Variants in NCBP2 observed in about 807,000 individuals in gnomAD.
NCBP2 encodes nuclear cap binding protein subunit 2.
Under a neutral mutation model 21.5 loss-of-function variants are expected in NCBP2, and 8 were observed. The observed-to-expected ratio is 0.37, with a 90% CI of 0.22 to 0.67. The LOEUF (loss-of-function observed/expected upper bound fraction) is 0.67, where lower values mean the gene tolerates loss of function less well. NCBP2 is among the 30% of genes least tolerant of loss of function. The pLI is 0.56. For missense variants in NCBP2, 127 were observed against 206.9 expected, an observed-to-expected ratio of 0.61 and a Z score of 2.37; for synonymous variants, 92 against 75.8, an observed-to-expected ratio of 1.21 and a Z score of -1.11.
rs150995327 is a variant in NCBP2, at chr3:196,935,698, A to G, written c.*1313T>C. Reference sequence around the variant, plus strand: ...ACTTCAGCCCCAACTTTCACGGACTATTGGAAATTAGAAGGTACTTTGTTG... The same window carrying G: ...ACTTCAGCCCCAACTTTCACGGACTGTTGGAAATTAGAAGGTACTTTGTTG... On this transcript the variant is annotated 3_prime_UTR_variant, in exon 4 of 4. Coordinates refer to ENST00000321256, the MANE Select transcript of NCBP2 (RefSeq NM_007362.5). The G allele has an allele frequency of 3.3e-5, 5 of 152,344 alleles. No individual in the cohort carries two copies. Among genetic ancestry groups the G allele is most frequent in the African/African-American group, 9.6e-5 (4 of 41,582 alleles). The allele number at this position is 152,344 out of a possible 1,614,324, so 9.4% of individuals were successfully genotyped here.
At chr3:196,940,671 C>G (rs1017473456) in intron 1 of NCBP2, among the ~76,000 whole-genome samples, 3 of 152,148 alleles carry the variant, frequency 2.0e-5, no homozygotes, top group South Asian at 2.1e-4. Flanking sequence ...CTAAAAAAAG[C>G]TACAGGTTTA....
At position 196,936,982 on chromosome 3, in the gene NCBP2, GTGTT is replaced by G. The variant is rs1560168453; in HGVS notation, c.*25_*28del. 6.2e-7 allele frequency: 1 copy of G among 1,607,476 alleles called. No individual in the cohort carries two copies. Among genetic ancestry groups the G allele is most frequent in the South Asian group, 1.1e-5 (1 of 90,950 alleles). On this transcript the variant is annotated 3_prime_UTR_variant, in exon 4 of 4. Coordinates refer to ENST00000321256, the MANE Select transcript of NCBP2 (RefSeq NM_007362.5). ...TCAGCAAATTCAACAGGCCAAAGGAGTGTTTGTCACTGACAGAGCTCTCACCACT... is the reference window on the plus strand; with the variant it reads ...TCAGCAAATTCAACAGGCCAAAGGAGTGTCACTGACAGAGCTCTCACCACT...
chr3:196,941,963 C>T, intron 1 of NCBP2: 3 of 1,536,356 alleles, frequency 2.0e-6, no homozygotes, highest in Non-Finnish European at 2.6e-6. Context: ...CACCATCCTC[C>T]CAGAGAAGGG....
intron 1 of NCBP2, chr3:196,941,577 G>A: frequency 2.7e-6 from 1 of 363,930 alleles, no homozygotes; most frequent in East Asian, 5.3e-5. Flanking sequence ...AGCTCGCAGA[G>A]CGCAGAAACT....
chr3:196,939,528 G>A, intron 1 of NCBP2, 96 bp from the exon 2 acceptor site: 1 of 975,150 alleles, frequency 1.0e-6, no homozygotes, highest in South Asian at 1.8e-5. Context: ...ATTCTGGTTT[G>A]GAAATCAACT....
Position 196,935,976 on chromosome 3 carries a change from A to G in NCBP2, c.*1035T>C, listed in dbSNP as rs955923956. On this transcript the variant is annotated 3_prime_UTR_variant, in exon 4 of 4. Transcript: ENST00000321256. ...GCATCTGCTGCAGGAACCTTCTGTG[A>G]CTGTCAAACATTCCCTCTTCAAGCT... is the stretch of plus-strand genomic sequence containing the variant. The G allele has an allele frequency of 2.6e-5, 4 of 152,204 alleles. No homozygotes were observed. Among genetic ancestry groups the G allele is most frequent in the African/African-American group, 9.6e-5 (4 of 41,466 alleles). The allele number at this position is 152,204 out of a possible 1,614,324, so 9.4% of individuals were successfully genotyped here.
rs1208737397 is a variant in NCBP2, at chr3:196,939,254, A to G, written c.257T>C (p.Val86Ala). 1 of 1,613,078 alleles carries G rather than the reference A, an allele frequency of 6.2e-7. No homozygotes were observed. Among genetic ancestry groups the G allele is most frequent in the Non-Finnish European group, 8.5e-7 (1 of 1,179,118 alleles). The stretch of plus-strand genomic sequence containing the variant: ...ATTAGATCCATGGGAAGGATACTCC[A>G]CAAAACAGAATCCACATGCTGTTTT... ...MKKTACGFCF[V>A]EYYSRADAEN... The change falls in exon 2 of 4, where the codon GTG becomes GCG. Residue 86 changes from valine (V) to alanine (A), a missense_variant. By Grantham distance (64) the Val-to-Ala change is moderately conservative. Transcript: ENST00000321256.
intron 1 of NCBP2, among the ~76,000 whole-genome samples, 175 bp from the exon 2 acceptor site, chr3:196,939,607 A>C (rs928239327): frequency 1.3e-5 from 2 of 152,208 alleles, no homozygotes; most frequent in Non-Finnish European, 2.9e-5. Flanking sequence ...TGAAGCACTT[A>C]TGCGAAGTCC....
chr3:196,940,707 AG>A (rs1278883927), intron 1 of NCBP2, among the ~76,000 whole-genome samples: 1 of 152,260 alleles, frequency 6.6e-6, no homozygotes, highest in Non-Finnish European at 1.5e-5. Context: ...TAATAGACAA[AG>A]TCAGAAGGTT....
Position 196,936,904 on chromosome 3 carries a change from C to G in NCBP2, c.*107G>C. 1 of 1,011,646 alleles carries G rather than the reference C, an allele frequency of 9.9e-7. No individual in the cohort carries two copies. Among genetic ancestry groups the G allele is most frequent in the Non-Finnish European group, 1.6e-6 (1 of 636,090 alleles). 62.7% of individuals were successfully genotyped at this position (1,011,646 alleles called of 1,614,324 possible). ...AGAGGCTTCCAGCTCAGTAAAGACA[C>G]TGATCAAATCTTGGTAAAAATGGGC... On this transcript the variant is annotated 3_prime_UTR_variant, in exon 4 of 4. Coordinates refer to ENST00000321256, the MANE Select transcript of NCBP2 (RefSeq NM_007362.5).
intron 1 of NCBP2, chr3:196,942,135 C>T: frequency 6.8e-7 from 1 of 1,464,972 alleles, no homozygotes; most frequent in East Asian, 2.5e-5. Context: ...GAAACGGGAG[C>T]CGCCACCACC....
chr3:196,942,070 A>C, intron 1 of NCBP2: 1 of 1,525,106 alleles, frequency 6.6e-7, no homozygotes, highest in South Asian at 1.2e-5. Flanking sequence ...ACTCTGGGAG[A>C]GAGAAGGGCA....
chr3:196,937,015 T>C lies in NCBP2; in HGVS notation c.467A>G (p.Gln156Arg), dbSNP rs774350997. Reference sequence around the variant, plus strand: ...CACTGACAGAGCTCTCACCACTCACTGGTTCTGTGCCAGTTTTCCATAGCC... The same window carrying C: ...CACTGACAGAGCTCTCACCACTCACCGGTTCTGTGCCAGTTTTCCATAGCC... ...RGGYGKLAQN[Q>R] Residue 156 changes from glutamine (Q) to arginine (R), a missense_variant, in exon 4 of 4, where the codon CAG (glutamine) becomes CGG (arginine). Gln to Arg is a conservative substitution (Grantham distance 43, BLOSUM62 1). Coordinates refer to ENST00000321256, the MANE Select transcript of NCBP2 (RefSeq NM_007362.5). 3 of 1,614,198 alleles carry C rather than the reference T, an allele frequency of 1.9e-6. No homozygotes were observed. Among genetic ancestry groups the C allele is most frequent in the Non-Finnish European group, 2.5e-6 (3 of 1,180,010 alleles).
intron 2 of NCBP2, chr3:196,938,530 T>TG (rs1278304384): frequency 2.0e-5 from 3 of 151,636 alleles, no homozygotes; most frequent in Non-Finnish European, 2.9e-5. Context: ...CTTAAAAGAG[T>TG]CTGAGTAAGG....
chr3:196,939,207 T>C (rs777398137), intron 2 of NCBP2, 44 bp downstream of exon 2: 11 of 1,568,796 alleles, frequency 7.0e-6, no homozygotes, highest in Non-Finnish European at 9.7e-6. Context: ...CACTCTCAGC[T>C]CTACCCTGGT....
intron 2 of NCBP2, 168 bp downstream of exon 2, chr3:196,939,083 A>T: frequency 1.9e-6 from 1 of 532,422 alleles, no homozygotes; most frequent in Admixed American, 3.6e-5. Flanking sequence ...GGATTTCAGA[A>T]GAGAATATAA....
rs899543847 is a variant in NCBP2 at position 196,936,833 on chromosome 3, C to T, written c.*178G>A. 6 of 611,178 alleles carry T rather than the reference C, an allele frequency of 9.8e-6. No homozygotes were observed. Among genetic ancestry groups the T allele is most frequent in the African/African-American group, 9.3e-5 (5 of 53,946 alleles). The allele number at this position is 611,178 out of a possible 1,614,324, so 37.9% of individuals were successfully genotyped here. A position where few individuals can be genotyped will look rare whatever the true frequency, so the allele number is the denominator to read the frequency against. On this transcript the variant is annotated 3_prime_UTR_variant, in exon 4 of 4. Transcript: ENST00000321256. ...CTGACACATGGCCAAGATTCTCAGA[C>T]AAGAATTAAAGGCATTCTTTTGGAT...
intron 3 of NCBP2, 107 bp from the exon 4 acceptor site, chr3:196,937,189 T>C: frequency 7.3e-6 from 8 of 1,102,720 alleles, no homozygotes; most frequent in Non-Finnish European, 1.1e-5. Flanking sequence ...GATGCCACAA[T>C]GTGAACATTT....
At chr3:196,938,023 C>T (rs766564398) in intron 2 of NCBP2, 9 of 181,634 alleles carry the variant, frequency 5.0e-5, no homozygotes, top group Non-Finnish European at 7.1e-5. Context: ...TCACCGTGCA[C>T]GTGGAATTGT....
Sources: gnomAD v4.1 joint callset for allele counts (sites outside exome capture counted in the v4.1 genomes callset) on GRCh38, gnomAD v4.1.1 for gene constraint, MANE v1.5 for transcripts, NCBI Gene and HGNC (gene_info 2026-07-23, HGNC 2026-07-21) for gene names.